SEPTIN7: variants seen among roughly 807,000 people sequenced by gnomAD.
The protein encoded by SEPTIN7 is septin 7.
In SEPTIN7, 10 loss-of-function variants were observed where a neutral mutation model predicts 63.3. The observed-to-expected ratio is 0.16, with a 90% confidence interval of 0.10 to 0.27. SEPTIN7 has a LOEUF of 0.27. SEPTIN7 is among the 10% of genes least tolerant of loss of function. The pLI is 1.00. For synonymous variants in SEPTIN7, 131 were observed against 165.3 expected (o/e 0.79, Z 1.59); for missense variants, 310 against 521.0 (o/e 0.59, Z 3.94).
intron 11 of SEPTIN7, among the ~76,000 whole-genome samples, chr7:35,892,003 A>T (rs1199513937): frequency 6.6e-6 from 1 of 152,204 alleles, no homozygotes; most frequent in African/African-American, 2.4e-5. Context: ...CAGGGTCAAG[A>T]TCATCAAGAT....
At chr7:35,893,721 T>C (rs1165368720) in intron 11 of SEPTIN7, among the ~76,000 whole-genome samples, 1 of 152,146 alleles carries the variant, frequency 6.6e-6, no homozygotes, top group Admixed American at 6.6e-5. Context: ...TAAAAATACA[T>C]GTGTAGATGT....
chr7:35,807,117 A>T (rs975100533), intron 1 of SEPTIN7, among the ~76,000 whole-genome samples: 61 of 152,306 alleles, frequency 4.0e-4, no homozygotes, highest in African/African-American at 1.5e-3. Flanking sequence ...ACACCATAGC[A>T]ATCAAGAAAG....
At chr7:35,880,734 T>C (rs954575073) in intron 7 of SEPTIN7, among the ~76,000 whole-genome samples, 2 of 152,138 alleles carry the variant, frequency 1.3e-5, no homozygotes, top group South Asian at 2.1e-4. Context: ...GTTTAAGTTA[T>C]TGTTCAAACC....
At chr7:35,838,912 T>A (rs952720708) in intron 3 of SEPTIN7, among the ~76,000 whole-genome samples, 1 of 152,204 alleles carries the variant, frequency 6.6e-6, no homozygotes, top group African/African-American at 2.4e-5. Context: ...GCTTAATTTT[T>A]AAAAGTGTAT....
At chr7:35,915,000 ATAATG>A in the SEPTIN7 span, among the ~76,000 whole-genome samples, 1 of 151,964 alleles carries the variant, frequency 6.6e-6, no homozygotes, top group Admixed American at 6.6e-5. Flanking sequence ...GTGTACACAT[ATAATG>A]TATGTGTACA....
At chr7:35,895,963 A>C (rs1787937152) in intron 11 of SEPTIN7, among the ~76,000 whole-genome samples, 1 of 152,146 alleles carries the variant, frequency 6.6e-6, no homozygotes, top group Non-Finnish European at 1.5e-5. Flanking sequence ...GGCGTGTGCC[A>C]CCACGCCCGG....
chr7:35,819,371 G>A (rs984201960), intron 1 of SEPTIN7, among the ~76,000 whole-genome samples: 1 of 152,076 alleles, frequency 6.6e-6, no homozygotes, highest in Non-Finnish European at 1.5e-5. Flanking sequence ...CTAACATATG[G>A]TCTCTTCTGG....
intron 4 of SEPTIN7, among the ~76,000 whole-genome samples, chr7:35,866,970 A>G (rs368214657): frequency 2.3e-4 from 35 of 152,320 alleles, no homozygotes; most frequent in Middle Eastern, 3.4e-3. Context: ...TTGTATTTCT[A>G]TTTAGTTCTC....
At chr7:35,814,011 C>G (rs192120643) in intron 1 of SEPTIN7, among the ~76,000 whole-genome samples, 85 of 149,676 alleles carry the variant, frequency 5.7e-4, no homozygotes, top group Non-Finnish European at 8.0e-4. Context: ...ATTTAACAAA[C>G]ACATGTTTTA....
In SEPTIN7 at chr7:35,906,514, A is replaced by G. The variant is rs1271830363; in HGVS notation, c.*2221A>G. On this transcript the variant is annotated 3_prime_UTR_variant, in exon 14 of 14. Coordinates refer to ENST00000350320, the MANE Select transcript of SEPTIN7 (RefSeq NM_001788.6). ...TCTGTTCTCCACTGTTGGAGGCATT[A>G]TGTAATTTAAGTATCCTGTTAGCCA... 6.6e-6 allele frequency: 1 copy of G among 152,232 alleles called. No individual in the cohort carries two copies. The highest frequency in any genetic ancestry group is 2.4e-5 in the African/African-American group (1 of 41,458). 9.4% of individuals were successfully genotyped at this position (152,232 alleles called of 1,614,324 possible).
At chr7:35,832,111 G>A (rs1252939397) in intron 2 of SEPTIN7, 1 of 454,208 alleles carries the variant, frequency 2.2e-6, no homozygotes, top group Non-Finnish European at 4.4e-6. Context: ...AACTATTGTT[G>A]AGGTCATCTA....
At chr7:35,882,669 A>G (rs1390474252) in intron 8 of SEPTIN7, 93 bp downstream of exon 8, 2 of 1,138,160 alleles carry the variant, frequency 1.8e-6, no homozygotes, top group Non-Finnish European at 2.2e-6. Flanking sequence ...TCAGTGTTTT[A>G]AGTAGTTGGC....
At chr7:35,835,740 C>T (rs1171095045) in intron 3 of SEPTIN7, among the ~76,000 whole-genome samples, 1 of 152,100 alleles carries the variant, frequency 6.6e-6, no homozygotes, top group African/African-American at 2.4e-5. Context: ...GAGCATCTGG[C>T]CTAGAGTGGG....
At chr7:35,826,579 A>G (rs1186922696) in intron 1 of SEPTIN7, among the ~76,000 whole-genome samples, 1 of 151,816 alleles carries the variant, frequency 6.6e-6, no homozygotes, top group East Asian at 1.9e-4. Flanking sequence ...TATAATCCCT[A>G]GTCATTTTAG....
chr7:35,855,114 C>G (rs574939040), intron 3 of SEPTIN7, among the ~76,000 whole-genome samples: 174 of 152,140 alleles, frequency 1.1e-3, no homozygotes, highest in South Asian at 4.2e-3. Context: ...TTTATATACA[C>G]CAGGCATTCC....
In SEPTIN7 at chr7:35,855,191, C is replaced by T. The variant is rs372560349; in HGVS notation, c.170-8361C>T. Among the ~76,000 whole-genome samples, 71 of 152,170 alleles carry T rather than the reference C, an allele frequency of 4.7e-4. 1 individual carries two copies. The highest frequency in any genetic ancestry group is 1.5e-3 in the African/African-American group (64 of 41,516). On this transcript the variant is annotated intron_variant, in intron 3 of 13. Coordinates refer to ENST00000350320, the MANE Select transcript of SEPTIN7 (RefSeq NM_001788.6). ...AAGTACTATTCTGTGAATGTGTTTTCCCTATCACTGAATATACTGTGTGTG... is the reference window on the plus strand; with the variant it reads ...AAGTACTATTCTGTGAATGTGTTTTTCCTATCACTGAATATACTGTGTGTG...
At chr7:35,823,282 A>G (rs1783324258) in intron 1 of SEPTIN7, among the ~76,000 whole-genome samples, 1 of 152,150 alleles carries the variant, frequency 6.6e-6, no homozygotes, top group South Asian at 2.1e-4. Flanking sequence ...GCTCACTGCA[A>G]TCTCCACCTC....
chr7:35,813,738 A>G (rs1469508531), intron 1 of SEPTIN7, among the ~76,000 whole-genome samples: 4 of 152,082 alleles, frequency 2.6e-5, no homozygotes, highest in Non-Finnish European at 5.9e-5. Flanking sequence ...ATCATCTGTT[A>G]AGGAAGGCCC....
At chr7:35,902,861 C>A in intron 12 of SEPTIN7, 2 of 543,434 alleles carry the variant, frequency 3.7e-6, no homozygotes, top group Non-Finnish European at 5.6e-6. Flanking sequence ...TTTCCTGTTT[C>A]CCAAGATTAT....
Sources: gnomAD v4.1 joint callset for allele counts (sites outside exome capture counted in the v4.1 genomes callset) on GRCh38, gnomAD v4.1.1 for gene constraint, MANE v1.5 for transcripts, NCBI Gene and HGNC (gene_info 2026-07-23, HGNC 2026-07-21) for gene names.